Variants in PCDHA6 observed in about 807,000 individuals in gnomAD.
PCDHA6 encodes protocadherin alpha 6.
A neutral mutation model predicts 60.3 loss-of-function variants in PCDHA6; 55 were observed. The observed-to-expected ratio is 0.91, with a 90% CI of 0.73 to 1.14. The LOEUF (loss-of-function observed/expected upper bound fraction) is 1.14. Among genes scored for constraint, PCDHA6 ranks in the 50% most tolerant of loss-of-function variants. The pLI, the probability that PCDHA6 is intolerant of heterozygous loss-of-function variation, is 0.00. For missense variants in PCDHA6, 1,327 were observed against 1,256.5 expected (o/e 1.06, Z -0.85); for synonymous variants, 652 against 557.9 (o/e 1.17, Z -2.38).
chr5:140,883,649 A>T, intron 1 of PCDHA6: 1 of 1,613,516 alleles, frequency 6.2e-7, no homozygotes, highest in South Asian at 1.1e-5. Context: ...GCCCGAGTAC[A>T]CGGTGTTCGT....
rs2150249126 is a variant in PCDHA6, at chr5:140,835,958, C to G, written c.2394+5473C>G. 96 of 1,612,940 alleles carry G rather than the reference C, an allele frequency of 6.0e-5. 1 individual carries two copies. The highest frequency in any genetic ancestry group is 7.7e-5 in the Non-Finnish European group (91 of 1,179,702). On this transcript the variant is annotated intron_variant, in intron 1 of 3. Transcript: ENST00000529310. ...TGTACGCGCTGCAGCCGTTGGACCA[C>G]GAGGAGCTGGAGCTGTTGCAGTTCC...
chr5:140,856,293 T>C, intron 1 of PCDHA6: 7 of 1,598,502 alleles, frequency 4.4e-6, no homozygotes, highest in Non-Finnish European at 6.0e-6. Context: ...CAGAATGGCA[T>C]TTTGTTTGTG....
intron 1 of PCDHA6, among the ~76,000 whole-genome samples, chr5:140,970,888 A>G (rs1452967166): frequency 6.6e-6 from 1 of 152,154 alleles, no homozygotes; most frequent in Non-Finnish European, 1.5e-5. Flanking sequence ...TTTCTCATGG[A>G]CATTTCAGAT....
chr5:140,971,488 A>C (rs17119328), intron 1 of PCDHA6, among the ~76,000 whole-genome samples: 9,487 of 152,206 alleles, frequency 0.062, 310 homozygotes, highest in African/African-American at 0.074. Flanking sequence ...ACATTGTTAC[A>C]GTGTGGCAAG....
rs549755742 is a variant in PCDHA6 at position 140,943,684 on chromosome 5, T to C, written c.2395-35265T>C. ...ATGTATAAAGTGTGAAAAAAAGGGA[T>C]AAGGTCAAAATATTGTGGAACACAT... On this transcript the variant is annotated intron_variant, in intron 1 of 3. Transcript: ENST00000529310. Among the ~76,000 whole-genome samples, 254 of 152,102 alleles carry C rather than the reference T, an allele frequency of 1.7e-3. 2 individuals carry two copies. The highest frequency in any genetic ancestry group is 2.9e-4 in the Non-Finnish European group (20 of 67,984).
At chr5:140,949,042 G>A (rs2094338452) in intron 1 of PCDHA6, among the ~76,000 whole-genome samples, 2 of 151,644 alleles carry the variant, frequency 1.3e-5, no homozygotes, top group African/African-American at 2.4e-5. Flanking sequence ...TTAAAAGTAT[G>A]TTCTAATTTC....
At chr5:140,902,514 T>C (rs1288692863) in intron 1 of PCDHA6, among the ~76,000 whole-genome samples, 1 of 152,128 alleles carries the variant, frequency 6.6e-6, no homozygotes, top group Non-Finnish European at 1.5e-5. Flanking sequence ...CTGTCATATA[T>C]GGTTTTTATT....
intron 1 of PCDHA6, among the ~76,000 whole-genome samples, chr5:140,832,930 G>T (rs537948111): frequency 6.6e-6 from 1 of 152,150 alleles, no homozygotes; most frequent in Non-Finnish European, 1.5e-5. Context: ...GTATTCATGA[G>T]AAGAGAGTAA....
chr5:140,845,820 T>C (rs1305062554), intron 1 of PCDHA6, among the ~76,000 whole-genome samples: 1 of 149,606 alleles, frequency 6.7e-6, no homozygotes, highest in African/African-American at 2.4e-5. Flanking sequence ...ATAATAAAAT[T>C]TAGTTATTAC....
At chr5:140,858,633 TTTGA>T (rs1554151907) in intron 1 of PCDHA6, 1 of 1,010,458 alleles carries the variant, frequency 9.9e-7, no homozygotes, top group Non-Finnish European at 1.4e-6. Context: ...TGTGTCAGCC[TTTGA>T]TTGGTACTTA....
chr5:140,827,994 C>G lies in PCDHA6; in HGVS notation c.-98C>G. The G allele has an allele frequency of 6.8e-7, 1 of 1,473,020 alleles. No individual in the cohort carries two copies. Among genetic ancestry groups the G allele is most frequent in the Non-Finnish European group, 9.1e-7 (1 of 1,096,264 alleles). The allele number at this position is 1,473,020 out of a possible 1,614,324, so 91.2% of individuals were successfully genotyped here. On this transcript the variant is annotated 5_prime_UTR_variant, in exon 1 of 4. Transcript: ENST00000529310. ...TCATTCCCTGACTGTTGAATGATGG[C>G]GGACGCAGAAGAAATGGATTAATAA...
chr5:140,869,096 C>G (rs2050848393), intron 1 of PCDHA6: 2 of 1,594,364 alleles, frequency 1.3e-6, no homozygotes, highest in African/African-American at 2.7e-5. Context: ...AAGCCAATTT[C>G]GTATGCGATG....
At chr5:140,978,424 TCA>T (rs2096801674) in intron 1 of PCDHA6, among the ~76,000 whole-genome samples, 1 of 152,238 alleles carries the variant, frequency 6.6e-6, no homozygotes, top group Non-Finnish European at 1.5e-5. Flanking sequence ...GAGACTGTTA[TCA>T]GTTGCTGGTG....
At chr5:140,912,679 T>G (rs367681467) in intron 1 of PCDHA6, among the ~76,000 whole-genome samples, 3 of 152,334 alleles carry the variant, frequency 2.0e-5, no homozygotes, top group South Asian at 4.1e-4. Context: ...CCTTGACTTA[T>G]TCCAGGTCTC....
At chr5:140,857,244 C>G in intron 1 of PCDHA6, 1 of 1,598,592 alleles carries the variant, frequency 6.3e-7, no homozygotes, top group Non-Finnish European at 8.6e-7. Context: ...CTGGTGTCCA[C>G]CTACAAGAAT....
chr5:140,978,644 G>A (rs782602318), intron 1 of PCDHA6, among the ~76,000 whole-genome samples: 18 of 152,220 alleles, frequency 1.2e-4, no homozygotes, highest in Non-Finnish European at 1.9e-4. Context: ...AAAGCAGACT[G>A]TTCTTCCCGT....
At chr5:140,914,197 T>G (rs2076637069) in intron 1 of PCDHA6, among the ~76,000 whole-genome samples, 1 of 152,234 alleles carries the variant, frequency 6.6e-6, no homozygotes, top group South Asian at 2.1e-4. Flanking sequence ...ATTATTGTAT[T>G]GTGATCTCTA....
rs2150168385 is a variant in PCDHA6 at position 140,829,460 on chromosome 5, C to T, written c.1369C>T (p.Gln457Ter). The change falls in exon 1 of 4, where the codon CAG (glutamine) becomes TAG (stop). Residue 457 changes from glutamine (Q) to a stop codon, truncating the protein, a stop_gained. Transcript: ENST00000529310. LOFTEE classifies it high-confidence loss of function. ...GAATGACAATGCTCCGGCGTTCGCG[C>T]AGCCCGAGTACACAGTGTTCGTGAA... Reference protein sequence around the residue: ...DMNDNAPAFAQPEYTVFVKEN... With the variant: ...DMNDNAPAFA 20 of 1,613,778 alleles carry T rather than the reference C, an allele frequency of 1.2e-5. No homozygotes were observed. The African/African-American group carries it at 2.5e-4, about 20-fold the overall frequency.
In PCDHA6 at chr5:140,989,027, CATT is replaced by C. The variant is rs1413017003; in HGVS notation, c.2542+6465_2542+6467del. The C allele has an allele frequency of 1.4e-4, 22 of 152,178 alleles. 1 individual carries two copies. The highest frequency in any genetic ancestry group is 1.4e-3 in the Admixed American group (22 of 15,274). The allele number at this position is 152,178 out of a possible 1,614,324, so 9.4% of individuals were successfully genotyped here. A position where few individuals can be genotyped will look rare whatever the true frequency, so the allele number is the denominator to read the frequency against. ...GACTTATTATAGTTTCTTCAGTTAT[CATT>C]GATTCCTTTAATATGCCAGCTACAT... On this transcript the variant is annotated intron_variant, in intron 3 of 3. Transcript: ENST00000529310.
Sources: allele counts gnomAD v4.1 joint callset (sites outside exome capture counted in the v4.1 genomes callset), GRCh38; gene constraint gnomAD v4.1.1; transcripts MANE v1.5; gene names NCBI Gene and HGNC (gene_info 2026-07-23, HGNC 2026-07-21).